The following CCNH variants were observed in gnomAD, a reference collection of about 807,000 sequenced individuals.
The protein encoded by CCNH is cyclin-H.
A neutral mutation model predicts 41.9 loss-of-function variants in CCNH; 31 were observed. The ratio of observed to expected loss-of-function variants is 0.74; its 90% CI spans 0.56 to 1.00. The LOEUF (loss-of-function observed/expected upper bound fraction) is 1.00, where lower values mean the gene tolerates loss of function less well. Ranked by LOEUF, CCNH falls within the 50% of genes least tolerant of loss-of-function variation. The pLI, the probability that CCNH is intolerant of heterozygous loss-of-function variation, is 0.00. For missense variants in CCNH, 362 were observed against 388.4 expected (o/e 0.93, Z 0.57); for synonymous variants, 138 against 136.1 (o/e 1.01, Z -0.10).
At chr5:87,358,701 T>C (rs1339829369) in intron 9 of CCNH, among the ~76,000 whole-genome samples, 2 of 152,228 alleles carry the variant, frequency 1.3e-5, no homozygotes, top group Non-Finnish European at 2.9e-5. Context: ...GTCCTTAGAA[T>C]GGCATACAAG....
chr5:87,361,912 T>C (rs1760127804), intron 9 of CCNH, among the ~76,000 whole-genome samples: 2 of 152,206 alleles, frequency 1.3e-5, no homozygotes, highest in East Asian at 1.9e-4. Context: ...AAGAGGTACA[T>C]TACATGAGGA....
intron 9 of CCNH, among the ~76,000 whole-genome samples, chr5:87,320,456 A>G (rs1054508851): frequency 1.3e-4 from 20 of 152,220 alleles, no homozygotes; most frequent in East Asian, 9.6e-4. Flanking sequence ...TAGGCTGTAC[A>G]GGAGTCATGG....
In CCNH at chr5:87,401,782, A is replaced by T. The variant is rs1416974743; in HGVS notation, c.690-10T>A. On this transcript the variant is annotated splice_polypyrimidine_tract_variant and intron_variant, in intron 5 of 8. Coordinates refer to ENST00000256897, the MANE Select transcript of CCNH (RefSeq NM_001239.4). ...ACTCTCTGATAAATAACTAGTAAAG[A>T]AAAGAAAAAAAAATCTATTGAAAAC... 4.0e-6 allele frequency: 6 copies of T among 1,507,600 alleles called. No homozygotes were observed. The highest frequency in any genetic ancestry group is 5.4e-6 in the Non-Finnish European group (6 of 1,114,368). 93.4% of individuals were successfully genotyped at this position (1,507,600 alleles called of 1,614,324 possible).
At position 87,356,744 on chromosome 5, in the gene CCNH, TTAG is replaced by T. The variant is rs555260514; in HGVS notation, c.*90+36023_*90+36025del. ...TGTTAGACATAATGCTATTACACACTTAGTAGACTACAGTATAGTTGTAAACAT... is the reference window on the plus strand; with the variant it reads ...TGTTAGACATAATGCTATTACACACTTAGACTACAGTATAGTTGTAAACAT... On this transcript the variant is annotated intron_variant and NMD_transcript_variant, in intron 9 of 9. Transcript: ENST00000645953. Among the ~76,000 whole-genome samples the T allele has an allele frequency of 3.0e-3, 464 of 152,322 alleles. 3 individuals are homozygous for T. The highest frequency in any genetic ancestry group is 0.011 in the African/African-American group (448 of 41,574).
At chr5:87,379,370 T>C (rs568612961), upstream of CCNH, among the ~76,000 whole-genome samples, 18 of 152,298 alleles carry the variant, frequency 1.2e-4, no homozygotes, top group Admixed American at 5.2e-4. Context: ...TCAGAAGGGT[T>C]ACAGGAAAAG....
At chr5:87,318,133 A>G (rs1435703544), downstream of CCNH, among the ~76,000 whole-genome samples, 1 of 152,156 alleles carries the variant, frequency 6.6e-6, no homozygotes, top group Admixed American at 6.5e-5. Flanking sequence ...TTCATATATC[A>G]TATAGAAATC....
chr5:87,394,242 A>G, downstream of CCNH: 1 of 1,242,754 alleles, frequency 8.0e-7, no homozygotes, highest in Non-Finnish European at 1.0e-6. Context: ...TCACGATGGA[A>G]TAAGAATATT....
In CCNH at chr5:87,377,028, A is replaced by AT. The variant is rs1347210621; in HGVS notation, n.152dup. ...GTTATGCACACTAAATGACAGAGAA[A>AT]TAAGCATGGAAGGTATGGTATGGCC... On this transcript the variant is annotated non_coding_transcript_exon_variant, in exon 1 of 1. Transcript: ENST00000607486. 1 of 1,613,688 alleles carries AT rather than the reference A, an allele frequency of 6.2e-7. No individual in the cohort carries two copies. Among genetic ancestry groups the AT allele is most frequent in the African/African-American group, 1.3e-5 (1 of 74,928 alleles).
chr5:87,317,160 G>A (rs1756404235), downstream of CCNH, among the ~76,000 whole-genome samples: 1 of 152,166 alleles, frequency 6.6e-6, no homozygotes, highest in African/African-American at 2.4e-5. Context: ...TGGGATTACA[G>A]GTGTGAGCCA....
At chr5:87,390,538 G>A (rs965442548), downstream of CCNH, among the ~76,000 whole-genome samples, 2 of 151,980 alleles carry the variant, frequency 1.3e-5, no homozygotes, top group African/African-American at 2.4e-5. Context: ...ACATGTGATA[G>A]TGTGATAGTT....
intron 9 of CCNH, chr5:87,341,296 G>A: frequency 1.9e-5 from 25 of 1,348,194 alleles, no homozygotes; most frequent in Non-Finnish European, 2.4e-5. Flanking sequence ...TTAGGGCCGG[G>A]AAGAAGATCC....
intron 9 of CCNH, among the ~76,000 whole-genome samples, chr5:87,358,899 T>G (rs1440748379): frequency 2.6e-5 from 4 of 152,180 alleles, no homozygotes; most frequent in Non-Finnish European, 2.9e-5. Flanking sequence ...TCCACTAGCC[T>G]CACTCTTACA....
Position 87,362,612 on chromosome 5 carries a change from G to A in CCNH, c.*90+30158C>T, listed in dbSNP as rs181630831. ...AAGGAAATCTATAATACCATCCGTC[G>A]TAAAACAAAGGATGCCTTTTATAAA... On this transcript the variant is annotated intron_variant and NMD_transcript_variant, in intron 9 of 9. Transcript: ENST00000645953. 879 of 1,597,934 alleles carry A rather than the reference G, an allele frequency of 5.5e-4. 3 individuals are homozygous for A. Among genetic ancestry groups the A allele is most frequent in the Non-Finnish European group, 3.3e-4 (385 of 1,165,592 alleles).
In CCNH at chr5:87,412,867, C is replaced by G. The variant is rs1764382021; in HGVS notation, c.-73G>C. The G allele has an allele frequency of 6.4e-7, 1 of 1,570,774 alleles. No individual in the cohort carries two copies. Among genetic ancestry groups the G allele is most frequent in the Admixed American group, 1.7e-5 (1 of 57,282 alleles). On this transcript the variant is annotated 5_prime_UTR_variant, in exon 1 of 9. Transcript: ENST00000256897. ...CGCATCAGCGTCCTGGCGTAAAACACCCGTACCCCCACCGAAGATCTCGCG... is the reference window on the plus strand; with the variant it reads ...CGCATCAGCGTCCTGGCGTAAAACAGCCGTACCCCCACCGAAGATCTCGCG...
At chr5:87,342,619 C>G (rs947401349) in intron 9 of CCNH, among the ~76,000 whole-genome samples, 8 of 152,132 alleles carry the variant, frequency 5.3e-5, no homozygotes, top group Admixed American at 2.0e-4. Context: ...GGAACTGTGT[C>G]CCTACTGTCA....
chr5:87,376,606 C>T (rs1761344140), exon 1 of CCNH: 1 of 1,583,862 alleles, frequency 6.3e-7, no homozygotes, highest in Non-Finnish European at 8.7e-7. Flanking sequence ...TTGGAATTAA[C>T]AGAAACATTT....
intron 9 of CCNH, among the ~76,000 whole-genome samples, chr5:87,348,441 C>G (rs1410984208): frequency 2.0e-5 from 3 of 151,898 alleles, no homozygotes; most frequent in Non-Finnish European, 1.5e-5. Flanking sequence ...TCAAAGATAT[C>G]AGAAATACTT....
Position 87,408,152 on chromosome 5 carries a change from C to A in CCNH, c.349G>T (p.Glu117Ter). ...TCAFLACKVDEFNVSSPQFVG... is the reference protein window; with the variant it reads ...TCAFLACKVD Reference sequence around the variant, plus strand: ...AACTGAGGACTAGATACATTGAATTCATCTACTTTGCAGGCCAAAAATGCA... The same window carrying A: ...AACTGAGGACTAGATACATTGAATTAATCTACTTTGCAGGCCAAAAATGCA... The change falls in exon 4 of 9, where the codon GAA (glutamate) becomes TAA (stop). Residue 117 changes from glutamate (E) to a stop codon, truncating the protein, a stop_gained. Coordinates refer to ENST00000256897, the MANE Select transcript of CCNH (RefSeq NM_001239.4). LOFTEE classifies it high-confidence loss of function. 4 of 1,492,342 alleles carry A rather than the reference C, an allele frequency of 2.7e-6. No individual in the cohort carries two copies. The highest frequency in any genetic ancestry group is 3.6e-6 in the Non-Finnish European group (4 of 1,102,760). The allele number at this position is 1,492,342 out of a possible 1,614,324, so 92.4% of individuals were successfully genotyped here.
downstream of CCNH, among the ~76,000 whole-genome samples, chr5:87,314,741 A>G (rs958243228): frequency 2.0e-5 from 3 of 146,796 alleles, no homozygotes; most frequent in Non-Finnish European, 3.0e-5. Context: ...ATGGTCATTT[A>G]AAAAAAAAAA....
Sources: allele counts gnomAD v4.1 joint callset (sites outside exome capture counted in the v4.1 genomes callset), GRCh38; gene constraint gnomAD v4.1.1; transcripts MANE v1.5; gene names NCBI Gene and HGNC (gene_info 2026-07-23, HGNC 2026-07-21).